CRTAC1: variants seen among roughly 807,000 people sequenced by gnomAD.
The protein encoded by CRTAC1 is acidic secreted protein in cartilage.
Under a neutral mutation model 67.8 loss-of-function variants are expected in CRTAC1, and 37 were observed. The ratio of observed to expected loss-of-function variants is 0.55; its 90% confidence interval spans 0.42 to 0.72. CRTAC1 has a LOEUF of 0.72. Among genes scored for constraint, CRTAC1 ranks in the 30% least tolerant of loss-of-function variants. The pLI, the probability that CRTAC1 is intolerant of heterozygous loss-of-function variation, is 0.00. For synonymous variants in CRTAC1, 348 were observed against 371.0 expected (o/e 0.94, Z 0.71); for missense variants, 780 against 931.6 (o/e 0.84, Z 2.12).
chr10:97,947,174 C>G (rs1444183184), intron 2 of CRTAC1, among the ~76,000 whole-genome samples: 2 of 152,162 alleles, frequency 1.3e-5, no homozygotes, highest in African/African-American at 4.8e-5. Context: ...AAAGATAAGT[C>G]AGGCATTGAC....
chr10:97,878,654 C>T (rs1195920771), intron 14 of CRTAC1: 1 of 1,303,928 alleles, frequency 7.7e-7, no homozygotes, highest in Non-Finnish European at 1.0e-6. Flanking sequence ...TTCTATTTTC[C>T]AAGGAGATTG....
At chr10:97,930,895 C>T (rs1475422102) in intron 3 of CRTAC1, among the ~76,000 whole-genome samples, 1 of 147,906 alleles carries the variant, frequency 6.8e-6, no homozygotes, top group Non-Finnish European at 1.5e-5. Flanking sequence ...AAATTTTCCA[C>T]ATTACAACAT....
In CRTAC1 at chr10:97,882,789, T is replaced by A; in HGVS notation, c.1672A>T (p.Met558Leu). 6.2e-7 allele frequency: 1 copy of A among 1,614,156 alleles called. No homozygotes were observed. The highest frequency in any genetic ancestry group is 2.2e-5 in the East Asian group (1 of 44,878). Residue 558 changes from methionine (M) to leucine (L), a missense_variant, in exon 13 of 15, where the codon ATG (methionine) becomes TTG (leucine). By Grantham distance (15) the Met-to-Leu change is conservative. Coordinates refer to ENST00000370597, the MANE Select transcript of CRTAC1 (RefSeq NM_018058.7). Reference sequence around the variant, plus strand: ...CTGGTGACTGAAGGCAACTCACCCATGCAATGGCCATTTTCCTGCTGGGAG... The same window carrying A: ...CTGGTGACTGAAGGCAACTCACCCAAGCAATGGCCATTTTCCTGCTGGGAG... ...GFSQQENGHC[M>L]DTNECIQFPF...
chr10:98,005,560 A>C (rs1842774516), intron 2 of CRTAC1, among the ~76,000 whole-genome samples: 1 of 151,814 alleles, frequency 6.6e-6, no homozygotes, highest in African/African-American at 2.4e-5. Context: ...GGATTTTGTT[A>C]AAAGCATATG....
chr10:97,865,678 G>T lies in CRTAC1; in HGVS notation c.1856C>A (p.Thr619Asn). The change falls in exon 15 of 15, where the codon ACC becomes AAC. Residue 619 changes from threonine (T) to asparagine (N), a missense_variant. Coordinates refer to ENST00000370597, the MANE Select transcript of CRTAC1 (RefSeq NM_018058.7). ...LGQSPGPRPT[T>N]PTAAAATAAA... ...GGCAGTGGCAGCAGCAGCGGTGGGGGTGGTGGGGCGGGGGCCCGGTGACTG... is the reference window on the plus strand; with the variant it reads ...GGCAGTGGCAGCAGCAGCGGTGGGGTTGGTGGGGCGGGGGCCCGGTGACTG... The T allele has an allele frequency of 6.2e-7, 1 of 1,608,248 alleles. No homozygotes were observed. Among genetic ancestry groups the T allele is most frequent in the African/African-American group, 1.3e-5 (1 of 74,936 alleles).
chr10:97,922,264 G>A (rs529393204), intron 4 of CRTAC1, among the ~76,000 whole-genome samples: 8 of 152,284 alleles, frequency 5.3e-5, no homozygotes, highest in African/African-American at 1.9e-4. Flanking sequence ...AGCCCAGCTT[G>A]GCTTCTCTTC....
At chr10:97,880,226 C>A in intron 14 of CRTAC1, 23 bp downstream of exon 14, 1 of 1,612,188 alleles carries the variant, frequency 6.2e-7, no homozygotes, top group Non-Finnish European at 8.5e-7. Context: ...TTGCTACTGG[C>A]CTATGGCTGG....
chr10:97,917,205 G>T (rs2050771516), intron 5 of CRTAC1, among the ~76,000 whole-genome samples: 1 of 152,344 alleles, frequency 6.6e-6, no homozygotes, highest in South Asian at 2.1e-4. Context: ...GGGGCAAGAG[G>T]TTCCAGGGAG....
At chr10:97,955,865 G>A (rs2051432115) in intron 2 of CRTAC1, among the ~76,000 whole-genome samples, 1 of 152,176 alleles carries the variant, frequency 6.6e-6, no homozygotes, top group African/African-American at 2.4e-5. Flanking sequence ...TCCCAAAGAG[G>A]CCACGATGAC....
chr10:97,911,433 A>T (rs1255521848), intron 5 of CRTAC1, among the ~76,000 whole-genome samples: 1 of 152,208 alleles, frequency 6.6e-6, no homozygotes, highest in Non-Finnish European at 1.5e-5. Context: ...AATTAGCCAC[A>T]ATTTATTGCC....
At chr10:97,993,528 T>A (rs150463375) in intron 2 of CRTAC1, among the ~76,000 whole-genome samples, 13 of 152,218 alleles carry the variant, frequency 8.5e-5, no homozygotes, top group African/African-American at 3.1e-4. Context: ...CATATTCTTG[T>A]ATCTTCCAAA....
In CRTAC1 at chr10:97,975,318, G is replaced by A. The variant is rs565520656; in HGVS notation, c.224+35820C>T. Among the ~76,000 whole-genome samples the A allele has an allele frequency of 1.3e-5, 2 of 152,158 alleles. No homozygotes were observed. The highest frequency in any genetic ancestry group is 2.9e-5 in the Non-Finnish European group (2 of 67,990). ...ACGGAGCACGGGTGCTGCGGGAGGCGCCAGGGCCGGTTCCTGACCCGCCTC... is the reference window on the plus strand; with the variant it reads ...ACGGAGCACGGGTGCTGCGGGAGGCACCAGGGCCGGTTCCTGACCCGCCTC... On this transcript the variant is annotated intron_variant, in intron 2 of 14. Transcript: ENST00000370597. This position sits in a 1 kb window ranked among gnomAD's most constrained non-coding sequence, Gnocchi z 4.8.
At chr10:97,951,811 C>T (rs2051360194) in intron 2 of CRTAC1, among the ~76,000 whole-genome samples, 1 of 152,168 alleles carries the variant, frequency 6.6e-6, no homozygotes, top group Non-Finnish European at 1.5e-5. Flanking sequence ...AAAAGAATAG[C>T]AAGTAGATTC....
chr10:98,003,257 T>C (rs944801730), intron 2 of CRTAC1, among the ~76,000 whole-genome samples: 11 of 152,222 alleles, frequency 7.2e-5, no homozygotes, highest in African/African-American at 2.4e-5. Context: ...TTTTATCTCG[T>C]GTTTTAGTTT....
intron 1 of CRTAC1, among the ~76,000 whole-genome samples, chr10:98,013,454 A>T (rs1399868210): frequency 6.6e-6 from 1 of 152,214 alleles, no homozygotes; most frequent in Non-Finnish European, 1.5e-5. Context: ...TCTTTTAATT[A>T]AAGAAGACAT....
chr10:98,020,158 T>G (rs80262476), intron 1 of CRTAC1, among the ~76,000 whole-genome samples: 1,972 of 152,270 alleles, frequency 0.013, 52 homozygotes, highest in African/African-American at 0.045. Context: ...CTCCTCCCAC[T>G]TCCACACGCT....
Position 97,904,827 on chromosome 10 carries a change from G to A in CRTAC1, c.851-13C>T. 6.3e-7 allele frequency: 1 copy of A among 1,587,274 alleles called. No individual in the cohort carries two copies. Among genetic ancestry groups the A allele is most frequent in the Non-Finnish European group, 8.5e-7 (1 of 1,170,070 alleles). ...GGGTCGTCCACACCTGGGGAGGAGA[G>A]GCAGGAACTCTCAGGGCGGCATCCC... On this transcript the variant is annotated splice_polypyrimidine_tract_variant and intron_variant, in intron 6 of 14. Transcript: ENST00000370597.
At chr10:97,999,577 G>T (rs941423596) in intron 2 of CRTAC1, among the ~76,000 whole-genome samples, 16 of 152,358 alleles carry the variant, frequency 1.1e-4, no homozygotes, top group Non-Finnish European at 8.8e-5. Flanking sequence ...TACAACCTGG[G>T]TGTCATGAAT....
chr10:97,973,470 T>G (rs1168515568), intron 2 of CRTAC1, among the ~76,000 whole-genome samples: 1 of 151,588 alleles, frequency 6.6e-6, no homozygotes, highest in Non-Finnish European at 1.5e-5. Flanking sequence ...CTGTGGGGAC[T>G]TCTTGTTTAC....
Sources: gnomAD v4.1 joint callset for allele counts (sites outside exome capture counted in the v4.1 genomes callset) on GRCh38, gnomAD v4.1.1 for gene constraint, Gnocchi (gnomAD v3.1) non-coding constraint, MANE v1.5 for transcripts, NCBI Gene and HGNC (gene_info 2026-07-23, HGNC 2026-07-21) for gene names.